The following PAXBP1 variants were observed in gnomAD, a reference collection of about 807,000 sequenced individuals.
PAXBP1 encodes the protein PAX3- and PAX7-binding protein 1.
In PAXBP1, 44 loss-of-function variants were observed where a neutral mutation model predicts 119.9. That is an observed-to-expected ratio of 0.37 (90% CI 0.29 to 0.47). The LOEUF (loss-of-function observed/expected upper bound fraction) is 0.47, where lower values mean the gene tolerates loss of function less well. Among genes scored for constraint, PAXBP1 ranks in the 20% least tolerant of loss-of-function variants. The pLI is 0.99. For missense variants in PAXBP1, 898 were observed against 1,134.1 expected, an observed-to-expected ratio of 0.79 and a Z score of 2.99; for synonymous variants, 393 against 406.6, an observed-to-expected ratio of 0.97 and a Z score of 0.40.
chr21:32,744,960 T>C (rs766261242), intron 12 of PAXBP1, 47 bp from the exon 13 acceptor site: 7 of 1,575,622 alleles, frequency 4.4e-6, no homozygotes, highest in Non-Finnish European at 5.1e-6. Flanking sequence ...AATTGTACCT[T>C]TAATTTTTTG....
At position 32,735,082 on chromosome 21, in the gene PAXBP1, T is replaced by C. The variant is rs752210605; in HGVS notation, c.2637-15A>G. ...TTATGTTTTCCCTAAAAGAAAAAAA[T>C]ATAGCAGCATCTCATTAATTAGTAT... On this transcript the variant is annotated splice_polypyrimidine_tract_variant and intron_variant, in intron 17 of 17. Transcript: ENST00000331923. The C allele has an allele frequency of 2.9e-5, 45 of 1,558,888 alleles. No individual in the cohort carries two copies. The Admixed American group carries it at 7.5e-4, about 26-fold the overall frequency.
At chr21:32,747,340 G>A (rs1274123723) in intron 11 of PAXBP1, among the ~76,000 whole-genome samples, 1 of 152,188 alleles carries the variant, frequency 6.6e-6, no homozygotes, top group Admixed American at 6.5e-5. Flanking sequence ...GCTAGTTCAG[G>A]ACAGCAGAGC....
intron 7 of PAXBP1, among the ~76,000 whole-genome samples, chr21:32,757,851 T>A (rs774261290): frequency 5.9e-5 from 9 of 152,232 alleles, no homozygotes; most frequent in Non-Finnish European, 1.0e-4. Context: ...TGTCAACTCT[T>A]GACACTTAGG....
chr21:32,736,483 GGC>G (rs1346794357), intron 17 of PAXBP1, among the ~76,000 whole-genome samples: 1 of 151,998 alleles, frequency 6.6e-6, no homozygotes, highest in Non-Finnish European at 1.5e-5. Context: ...CACCATGCCT[GGC>G]CTAAAATCTT....
chr21:32,771,509 C>G lies in PAXBP1; in HGVS notation c.160G>C (p.Glu54Gln). Residue 54 changes from glutamate to glutamine, a missense_variant, in exon 1 of 18, where the codon GAG becomes CAG. Physicochemically the swap from Glu to Gln is conservative, Grantham distance 29. Around this residue, in one of 2 missense-constraint regions of PAXBP1, gnomAD observed 299 missense variants for 281.4 expected, o/e 1.06. Transcript: ENST00000331923. ...PGGGDRAPGG[E>Q]SLLGPGPSPP... ...GACGGCCCCGGGCCCAGCAGCGACTCCCCGCCAGGGGCCCTGTCGCCGCCA... is the reference window on the plus strand; with the variant it reads ...GACGGCCCCGGGCCCAGCAGCGACTGCCCGCCAGGGGCCCTGTCGCCGCCA... 6 of 1,326,204 alleles carry G rather than the reference C, an allele frequency of 4.5e-6. 1 individual carries two copies. In the South Asian group the frequency reaches 1.2e-4, roughly 26 times the overall value. The allele number at this position is 1,326,204 out of a possible 1,614,324, so 82.2% of individuals were successfully genotyped here.
In PAXBP1 at chr21:32,769,799, T is replaced by C. The variant is rs1217702658; in HGVS notation, c.472+15A>G. On this transcript the variant is annotated intron_variant, in intron 2 of 17. Transcript: ENST00000331923. ...TTTTGTCATTTCAAAAGAATTCAATTAGTTTGGTACTTACTTTCAGCTGAT... is the reference window on the plus strand; with the variant it reads ...TTTTGTCATTTCAAAAGAATTCAATCAGTTTGGTACTTACTTTCAGCTGAT... 1 of 1,595,896 alleles carries C rather than the reference T, an allele frequency of 6.3e-7. No individual in the cohort carries two copies.
intron 15 of PAXBP1, chr21:32,742,285 TACA>T (rs911806100): frequency 2.6e-5 from 4 of 152,196 alleles, no homozygotes; most frequent in African/African-American, 9.7e-5. Context: ...TGTGACTTCC[TACA>T]ACTTTTGGGA....
intron 16 of PAXBP1, 33 bp from the exon 17 acceptor site, chr21:32,737,441 T>A (rs757348900): frequency 6.4e-7 from 1 of 1,553,014 alleles, no homozygotes; most frequent in South Asian, 1.2e-5. Flanking sequence ...ATAAAATAGT[T>A]AAGACAGAAT....
Position 32,770,028 on chromosome 21 carries a change from A to G in PAXBP1, c.344-86T>C, listed in dbSNP as rs1194296216. On this transcript the variant is annotated intron_variant, in intron 1 of 17. Coordinates refer to ENST00000331923, the MANE Select transcript of PAXBP1 (RefSeq NM_016631.4). ...TTCACATGATCTTACGTGCTGTCCA[A>G]ATTATCCCAAATATATATACTCATA... 7.3e-6 allele frequency: 7 copies of G among 954,064 alleles called. No individual in the cohort carries two copies. In the East Asian group the frequency reaches 1.9e-4, roughly 26 times the overall value. 59.1% of individuals were successfully genotyped at this position (954,064 alleles called of 1,614,324 possible).
intron 2 of PAXBP1, among the ~76,000 whole-genome samples, chr21:32,765,478 C>G (rs1161808141): frequency 1.3e-5 from 2 of 152,176 alleles, no homozygotes; most frequent in African/African-American, 4.8e-5. Context: ...ATGCTCACAA[C>G]AGGCACAAGG....
intron 7 of PAXBP1, among the ~76,000 whole-genome samples, chr21:32,757,636 T>C (rs548108032): frequency 2.5e-4 from 38 of 152,280 alleles, no homozygotes; most frequent in African/African-American, 9.1e-4. Context: ...TTTTTTAGAG[T>C]TGTGTTTGCA....
In PAXBP1 at chr21:32,762,348, T is replaced by C. The variant is rs1051752429; in HGVS notation, c.650-31A>G. The C allele has an allele frequency of 2.5e-6, 4 of 1,586,924 alleles. No individual in the cohort carries two copies. The African/African-American group carries it at 5.4e-5, about 21-fold the overall frequency. ...AACAAATGGTAAGAATATGGCAGTATGAGAGATGCAAAGTTTCTATTTTCT... is the reference window on the plus strand; with the variant it reads ...AACAAATGGTAAGAATATGGCAGTACGAGAGATGCAAAGTTTCTATTTTCT... On this transcript the variant is annotated intron_variant, in intron 3 of 17. Transcript: ENST00000331923.
Position 32,755,266 on chromosome 21 carries a change from T to C in PAXBP1, c.1471A>G (p.Ile491Val), listed in dbSNP as rs2044025446. The C allele has an allele frequency of 1.2e-6, 2 of 1,613,378 alleles. No individual in the cohort carries two copies. Among genetic ancestry groups the C allele is most frequent in the Non-Finnish European group, 1.7e-6 (2 of 1,179,670 alleles). ...SRLVQRRQDD[I>V]KDESSEFSSH... is the part of the protein sequence containing the mutation. ...GAAAACTCCGAAGATTCATCTTTAA[T>C]ATCATCTTGTCGTCTTTGGACAAGG... The change falls in exon 8 of 18, where the codon ATT becomes GTT. Residue 491 changes from isoleucine to valine, a missense_variant. Ile to Val is a conservative substitution (Grantham distance 29). Transcript: ENST00000331923.
chr21:32,743,802 G>T, intron 13 of PAXBP1, 48 bp from the exon 14 acceptor site: 1 of 1,046,772 alleles, frequency 9.6e-7, no homozygotes, highest in Non-Finnish European at 1.4e-6. Context: ...ACTATGACAA[G>T]AAAAATAAGC....
intron 17 of PAXBP1, among the ~76,000 whole-genome samples, chr21:32,735,684 CAAG>C (rs2043683043): frequency 6.6e-6 from 1 of 152,212 alleles, no homozygotes; most frequent in Non-Finnish European, 1.5e-5. Context: ...GAGTTCTATT[CAAG>C]AGGCCCAGAG....
chr21:32,746,480 G>A (rs1012614268), intron 11 of PAXBP1, among the ~76,000 whole-genome samples: 1 of 152,162 alleles, frequency 6.6e-6, no homozygotes, highest in African/African-American at 2.4e-5. Context: ...AGACATTCAT[G>A]TAGCCAACAA....
intron 11 of PAXBP1, among the ~76,000 whole-genome samples, chr21:32,746,283 A>G (rs974921333): frequency 1.3e-5 from 2 of 152,232 alleles, no homozygotes; most frequent in African/African-American, 4.8e-5. Flanking sequence ...TAATTCAACT[A>G]AAGAGCTTCT....
intron 7 of PAXBP1, among the ~76,000 whole-genome samples, chr21:32,757,820 T>C (rs1417320924): frequency 6.6e-6 from 1 of 152,244 alleles, no homozygotes; most frequent in Non-Finnish European, 1.5e-5. Context: ...AGAAGAGTTT[T>C]GCCAGTAGGA....
In PAXBP1 at chr21:32,771,414, G is replaced by A. The variant is rs767764107; in HGVS notation, c.255C>T (p.Pro85=). ...AGGGFPGGAE[P]GNGLKPRKRP... is the part of the protein sequence containing the mutation. ...TCTTGCGCGGCTTCAGCCCGTTGCCGGGCTCCGCGCCGCCGGGGAAGCCGC... is the reference window on the plus strand; with the variant it reads ...TCTTGCGCGGCTTCAGCCCGTTGCCAGGCTCCGCGCCGCCGGGGAAGCCGC... Residue 85 remains proline, a synonymous_variant, in exon 1 of 18, where the codon CCC becomes CCT. Coordinates refer to ENST00000331923, the MANE Select transcript of PAXBP1 (RefSeq NM_016631.4). 3 of 1,546,478 alleles carry A rather than the reference G, an allele frequency of 1.9e-6. No homozygotes were observed. The highest frequency in any genetic ancestry group is 2.6e-6 in the Non-Finnish European group (3 of 1,156,384).
Sources: gnomAD v4.1 joint callset for allele counts (sites outside exome capture counted in the v4.1 genomes callset) on GRCh38, gnomAD v4.1.1 for gene constraint, gnomAD v4.1.1 regional missense constraint, MANE v1.5 for transcripts, NCBI Gene and HGNC (gene_info 2026-07-23, HGNC 2026-07-21) for gene names.